The following PSD3 variants were observed in gnomAD, a reference collection of about 807,000 sequenced individuals.
PSD3 encodes the protein PH and SEC7 domain-containing protein 3.
A neutral mutation model predicts 105.5 loss-of-function variants in PSD3; 49 were observed. That is an observed-to-expected ratio of 0.46 (90% CI 0.37 to 0.59). The LOEUF (loss-of-function observed/expected upper bound fraction) is 0.59. Ranked by LOEUF, PSD3 falls within the 20% of genes least tolerant of loss-of-function variation. PSD3 has a pLI of 0.00. For missense variants in PSD3, 1,561 were observed against 1,263.8 expected, an observed-to-expected ratio of 1.24 and a Z score of -3.57; for synonymous variants, 557 against 457.8, an observed-to-expected ratio of 1.22 and a Z score of -2.77.
At chr8:19,037,066 A>G (rs1827966912) in intron 1 of PSD3, among the ~76,000 whole-genome samples, 12 of 152,310 alleles carry the variant, frequency 7.9e-5, no homozygotes, top group Admixed American at 7.2e-4. Flanking sequence ...GTGACTGCCA[A>G]AGGACTCTCT....
In PSD3 at chr8:18,717,588, T is replaced by C. The variant is rs181891221; in HGVS notation, c.2172+47861A>G. Among the ~76,000 whole-genome samples the C allele has an allele frequency of 3.3e-5, 5 of 152,288 alleles. No homozygotes were observed. The East Asian group carries it at 7.7e-4, about 24-fold the overall frequency. On this transcript the variant is annotated intron_variant, in intron 9 of 15. Coordinates refer to ENST00000327040, the MANE Select transcript of PSD3 (RefSeq NM_015310.4). ...GGGAATCAATTTTAAACAAATTTGT[T>C]ATATTATATATTTTATATGTTTGTA...
intron 8 of PSD3, among the ~76,000 whole-genome samples, chr8:18,771,331 C>A (rs938515934): frequency 6.6e-6 from 1 of 152,230 alleles, no homozygotes; most frequent in Non-Finnish European, 1.5e-5. Flanking sequence ...CCTCTTGTCC[C>A]TATCACTTTG....
intron 12 of PSD3, among the ~76,000 whole-genome samples, chr8:18,578,883 C>A (rs898050739): frequency 6.6e-6 from 1 of 151,878 alleles, no homozygotes; most frequent in Non-Finnish European, 1.5e-5. Context: ...GCCAGATTAC[C>A]TTATACTGGA....
In PSD3 at chr8:18,871,842, G is replaced by C. The variant is rs1250134840; in HGVS notation, c.1022C>G (p.Pro341Arg). The C allele has an allele frequency of 6.2e-7, 1 of 1,614,076 alleles. No homozygotes were observed. Among genetic ancestry groups the C allele is most frequent in the Non-Finnish European group, 8.5e-7 (1 of 1,180,034 alleles). Residue 341 changes from proline (P) to arginine (R), a missense_variant, in exon 3 of 16, where the codon CCA becomes CGA. Coordinates refer to ENST00000327040, the MANE Select transcript of PSD3 (RefSeq NM_015310.4). ...ACCAGCTGATGAGATGAGATGGCGT[G>C]GCACTTTGGAAGACTCTTTGCTGTC... ...SPDSKESSKV[P>R]RHLISSAGLC...
intron 10 of PSD3, among the ~76,000 whole-genome samples, chr8:18,643,286 T>C (rs939075012): frequency 6.6e-6 from 1 of 152,184 alleles, no homozygotes; most frequent in South Asian, 2.1e-4. Context: ...ATAGCCCTCA[T>C]GACCTAAGCA....
upstream of PSD3, among the ~76,000 whole-genome samples, chr8:19,018,300 A>G (rs77835114): frequency 1.3e-4 from 20 of 152,280 alleles, no homozygotes; most frequent in East Asian, 3.9e-3. Context: ...TTCATATATA[A>G]CTGTAGGATT....
chr8:18,915,186 A>G (rs1021806993), intron 2 of PSD3, among the ~76,000 whole-genome samples: 1 of 152,322 alleles, frequency 6.6e-6, no homozygotes, highest in South Asian at 2.1e-4. Flanking sequence ...ATATACAAAA[A>G]TCACCTCAAA....
At chr8:18,918,641 C>G (rs1410402843) in intron 2 of PSD3, among the ~76,000 whole-genome samples, 1 of 152,208 alleles carries the variant, frequency 6.6e-6, no homozygotes, top group Non-Finnish European at 1.5e-5. Flanking sequence ...ATTCTTTGCC[C>G]AGGCCTGTTC....
chr8:18,841,309 C>T (rs956128787), intron 4 of PSD3, among the ~76,000 whole-genome samples: 9 of 152,138 alleles, frequency 5.9e-5, no homozygotes, highest in Admixed American at 5.9e-4. Context: ...GCGAGGGCAG[C>T]CCACTAAAAC....
intron 10 of PSD3, among the ~76,000 whole-genome samples, chr8:18,649,237 G>A (rs964072653): frequency 6.6e-6 from 1 of 152,210 alleles, no homozygotes; most frequent in South Asian, 2.1e-4. Flanking sequence ...CAACCGCAGG[G>A]ACTGAACTCT....
At position 19,074,033 on chromosome 8, in the gene PSD3, G is replaced by A. The variant is rs562333473; in HGVS notation, c.324+10173C>T. Among the ~76,000 whole-genome samples, 422 of 152,068 alleles carry A rather than the reference G, an allele frequency of 2.8e-3. 2 individuals carry two copies. Among genetic ancestry groups the A allele is most frequent in the African/African-American group, 9.7e-3 (404 of 41,480 alleles). On this transcript the variant is annotated intron_variant, in intron 1 of 1. Coordinates refer to the PSD3 transcript ENST00000521475. ...TCTCGATCTCCTGACCTCGTGATCCGCCCACCTCGCCCTCCCAAAGTGCCG... is the reference window on the plus strand; with the variant it reads ...TCTCGATCTCCTGACCTCGTGATCCACCCACCTCGCCCTCCCAAAGTGCCG...
chr8:18,862,724 T>G (rs1816541413), intron 4 of PSD3, among the ~76,000 whole-genome samples: 1 of 151,884 alleles, frequency 6.6e-6, no homozygotes, highest in South Asian at 2.1e-4. Context: ...AACTGGGATG[T>G]TGAAACAGTT....
chr8:18,549,460 G>A (rs565540416), intron 15 of PSD3, among the ~76,000 whole-genome samples: 235 of 152,026 alleles, frequency 1.5e-3, no homozygotes, highest in Non-Finnish European at 2.6e-3. Flanking sequence ...CACTCACCTC[G>A]GCCTCCCAAA....
chr8:18,559,219 G>A lies in PSD3; in HGVS notation c.2785-2867C>T, dbSNP rs531682066. Among the ~76,000 whole-genome samples the A allele has an allele frequency of 3.3e-5, 5 of 152,240 alleles. No homozygotes were observed. In the South Asian group the frequency reaches 1.0e-3, roughly 32 times the overall value. On this transcript the variant is annotated intron_variant, in intron 14 of 15. Transcript: ENST00000327040. ...ACTGTTTTCTAAAGTGTTTTTATCTGTTTACATTTCCACAGCAGGTCTGAA... is the reference window on the plus strand; with the variant it reads ...ACTGTTTTCTAAAGTGTTTTTATCTATTTACATTTCCACAGCAGGTCTGAA...
At chr8:18,955,523 A>G (rs1823513382) in intron 1 of PSD3, among the ~76,000 whole-genome samples, 1 of 152,114 alleles carries the variant, frequency 6.6e-6, no homozygotes, top group Non-Finnish European at 1.5e-5. Flanking sequence ...TCAATTTTTT[A>G]CTATTATAGT....
rs1194861593 is a variant in PSD3 at position 18,528,459 on chromosome 8, C to T, written c.*7284G>A. ...CCACGCTCAGTGACTCAGTCACTCT[C>T]GGAGTTGATACCTTGCCTCAGCAGG... is the stretch of plus-strand genomic sequence containing the variant. On this transcript the variant is annotated 3_prime_UTR_variant, in exon 16 of 16. Transcript: ENST00000327040. The T allele has an allele frequency of 2.0e-5, 3 of 152,228 alleles. No homozygotes were observed. The highest frequency in any genetic ancestry group is 2.9e-5 in the Non-Finnish European group (2 of 68,060). The allele number at this position is 152,228 out of a possible 1,614,324, so 9.4% of individuals were successfully genotyped here.
chr8:18,674,167 G>C (rs1052742433), intron 9 of PSD3, among the ~76,000 whole-genome samples: 1 of 151,938 alleles, frequency 6.6e-6, no homozygotes, highest in African/African-American at 2.4e-5. Flanking sequence ...AAAATGGTGG[G>C]AGGAAGGGTA....
intron 1 of PSD3, among the ~76,000 whole-genome samples, chr8:19,068,905 G>A (rs548177412): frequency 9.8e-4 from 149 of 152,130 alleles, no homozygotes; most frequent in African/African-American, 3.5e-3. Flanking sequence ...TTCAAGGGGT[G>A]GCCTGGAAAG....
At chr8:18,639,731 A>C (rs1260725571) in intron 10 of PSD3, among the ~76,000 whole-genome samples, 1 of 152,162 alleles carries the variant, frequency 6.6e-6, no homozygotes, top group African/African-American at 2.4e-5. Flanking sequence ...TGAGACAATA[A>C]ATCTGGGTTT....
Sources: allele counts gnomAD v4.1 joint callset (sites outside exome capture counted in the v4.1 genomes callset), GRCh38; gene constraint gnomAD v4.1.1; transcripts MANE v1.5; gene names NCBI Gene and HGNC (gene_info 2026-07-23, HGNC 2026-07-21).